CLINT1: variants seen among roughly 807,000 people sequenced by gnomAD.
CLINT1 encodes the protein clathrin interacting protein localized in the trans-Golgi region.
A neutral mutation model predicts 70.4 loss-of-function variants in CLINT1; 15 were observed. The observed-to-expected ratio is 0.21, with a 90% CI of 0.14 to 0.33. The LOEUF is 0.33. Among genes scored for constraint, CLINT1 ranks in the 10% least tolerant of loss-of-function variants. CLINT1 has a pLI of 1.00. For synonymous variants in CLINT1, 227 were observed against 254.7 expected (o/e 0.89, Z 1.04); for missense variants, 615 against 778.1 (o/e 0.79, Z 2.49).
chr5:157,834,219 A>T (rs1390349483), intron 1 of CLINT1, among the ~76,000 whole-genome samples: 3 of 152,118 alleles, frequency 2.0e-5, no homozygotes, highest in Non-Finnish European at 1.5e-5. Context: ...AAAAAAAGTT[A>T]GCCAGGCATG....
chr5:157,820,866 AAC>A (rs970465714), intron 1 of CLINT1, among the ~76,000 whole-genome samples: 2 of 152,164 alleles, frequency 1.3e-5, no homozygotes, highest in African/African-American at 2.4e-5. Context: ...CGGTTTCTTA[AAC>A]ACACACACAA....
rs1030691495 is a variant in CLINT1, at chr5:157,797,675, C to T, written c.1013-2703G>A. ...TGCTGGGATTACAGGTGTCAGCCAC[C>T]GCCCCTGGTGGAGTTAGGGATTTTC... On this transcript the variant is annotated intron_variant, in intron 8 of 11. Coordinates refer to ENST00000411809, the MANE Select transcript of CLINT1 (RefSeq NM_014666.4). 5.9e-5 allele frequency among the ~76,000 whole-genome samples: 9 copies of T among 152,062 alleles called. 1 individual carries two copies. The highest frequency in any genetic ancestry group is 2.2e-4 in the African/African-American group (9 of 41,380).
At chr5:157,794,292 T>TA (rs908095492) in intron 9 of CLINT1, among the ~76,000 whole-genome samples, 27 of 149,304 alleles carry the variant, frequency 1.8e-4, no homozygotes, top group African/African-American at 2.2e-4. Context: ...AAATATTAAT[T>TA]AAAAAAAAAA....
At chr5:157,825,222 T>A (rs1387063471) in intron 1 of CLINT1, among the ~76,000 whole-genome samples, 1 of 152,164 alleles carries the variant, frequency 6.6e-6, no homozygotes, top group Admixed American at 6.5e-5. Context: ...GTATATGGGA[T>A]GCATATTATT....
In CLINT1 at chr5:157,859,074, C is replaced by T; in HGVS notation, c.-104G>A. ...TCCAGGCCGGGGTCACCGCCGCCCGCCGCCTCGAACTCCCCCAGTCAGCTC... is the reference window on the plus strand; with the variant it reads ...TCCAGGCCGGGGTCACCGCCGCCCGTCGCCTCGAACTCCCCCAGTCAGCTC... On this transcript the variant is annotated 5_prime_UTR_variant, in exon 1 of 12. Transcript: ENST00000411809. The T allele has an allele frequency of 7.8e-7, 1 of 1,283,822 alleles. No individual in the cohort carries two copies. The highest frequency in any genetic ancestry group is 2.7e-5 in the East Asian group (1 of 37,152). The allele number at this position is 1,283,822 out of a possible 1,614,324, so 79.5% of individuals were successfully genotyped here.
At chr5:157,789,930 G>A in intron 10 of CLINT1, 1 of 217,052 alleles carries the variant, frequency 4.6e-6, no homozygotes, top group Middle Eastern at 2.0e-3. Context: ...GCCAGGCGCA[G>A]TGACTTATGC....
chr5:157,830,796 C>CTCTCTATATATA (rs1300619885), intron 1 of CLINT1, among the ~76,000 whole-genome samples: 12 of 85,714 alleles, frequency 1.4e-4, no homozygotes, highest in African/African-American at 5.6e-4. Context: ...CTCTCTCTCT[C>CTCTCTATATATA]TATATATATA....
chr5:157,797,472 G>A (rs554944885), intron 8 of CLINT1, among the ~76,000 whole-genome samples: 3 of 152,182 alleles, frequency 2.0e-5, no homozygotes, highest in South Asian at 4.2e-4. Flanking sequence ...TGCAACCTCC[G>A]CCTGCCAGGT....
At chr5:157,830,312 T>C (rs1763182447) in intron 1 of CLINT1, among the ~76,000 whole-genome samples, 2 of 152,208 alleles carry the variant, frequency 1.3e-5, no homozygotes, top group African/African-American at 4.8e-5. Flanking sequence ...TTCTTGTTTT[T>C]GGTATCTGTT....
At chr5:157,819,071 AG>A (rs1241724558) in intron 1 of CLINT1, among the ~76,000 whole-genome samples, 2 of 152,220 alleles carry the variant, frequency 1.3e-5, no homozygotes, top group Non-Finnish European at 2.9e-5. Flanking sequence ...TTTTAAAATA[AG>A]GAAGGTTTGG....
intron 10 of CLINT1, 75 bp from the exon 11 acceptor site, chr5:157,789,588 C>A: frequency 6.3e-7 from 1 of 1,598,674 alleles, no homozygotes; most frequent in Non-Finnish European, 8.6e-7. Flanking sequence ...GAAAAATGCT[C>A]TAAAAATTAA....
At chr5:157,858,789 G>T in intron 1 of CLINT1, 141 bp downstream of exon 1, 2 of 866,432 alleles carry the variant, frequency 2.3e-6, no homozygotes, top group Non-Finnish European at 3.5e-6. Flanking sequence ...CCCGGGGCCG[G>T]GAAGGAGCGG....
At chr5:157,816,899 TA>T in intron 2 of CLINT1, 69 bp from the exon 3 acceptor site, 2 of 1,124,504 alleles carry the variant, frequency 1.8e-6, no homozygotes, top group Non-Finnish European at 2.6e-6. Context: ...AGACTTGTTC[TA>T]ATTTGGTGTT....
At chr5:157,789,267 ATG>A in intron 11 of CLINT1, 94 bp downstream of exon 11, 1 of 1,053,628 alleles carries the variant, frequency 9.5e-7, no homozygotes, top group South Asian at 1.3e-5. Context: ...GTTACAATTT[ATG>A]TGATATATTT....
intron 1 of CLINT1, among the ~76,000 whole-genome samples, chr5:157,825,765 T>C (rs886999981): frequency 2.6e-5 from 4 of 152,174 alleles, no homozygotes; most frequent in African/African-American, 9.6e-5. Flanking sequence ...TATTCTTTTT[T>C]TAAACCAATG....
rs749188685 is a variant in CLINT1 at position 157,814,959 on chromosome 5, G to C, written c.244-666C>G. ...GAAGCACAAGAATCACTCGAACCCA[G>C]AAGGTGGAGGTTGCAGTGAGCTGAG... is the stretch of plus-strand genomic sequence containing the variant. On this transcript the variant is annotated intron_variant, in intron 3 of 11. Coordinates refer to ENST00000411809, the MANE Select transcript of CLINT1 (RefSeq NM_014666.4). Among the ~76,000 whole-genome samples the C allele has an allele frequency of 4.2e-4, 63 of 150,346 alleles. 1 individual carries two copies. Among genetic ancestry groups the C allele is most frequent in the Middle Eastern group, 3.4e-3 (1 of 292 alleles).
chr5:157,826,349 A>G (rs1292936070), intron 1 of CLINT1, among the ~76,000 whole-genome samples: 1 of 152,156 alleles, frequency 6.6e-6, no homozygotes, highest in Admixed American at 6.5e-5. Flanking sequence ...CACTTCATAA[A>G]TTTACTGATT....
At chr5:157,790,157 T>C in intron 10 of CLINT1, 1 of 161,726 alleles carries the variant, frequency 6.2e-6, no homozygotes, top group Non-Finnish European at 1.4e-5. Flanking sequence ...GCAGAGATCG[T>C]GCCACTGCAC....
At chr5:157,827,011 T>A (rs1763061537) in intron 1 of CLINT1, among the ~76,000 whole-genome samples, 1 of 152,166 alleles carries the variant, frequency 6.6e-6, no homozygotes, top group East Asian at 1.9e-4. Context: ...CAAGAAAATT[T>A]CCAGTATTGG....
Sources: allele counts gnomAD v4.1 joint callset (sites outside exome capture counted in the v4.1 genomes callset), GRCh38; gene constraint gnomAD v4.1.1; transcripts MANE v1.5; gene names NCBI Gene and HGNC (gene_info 2026-07-23, HGNC 2026-07-21).